Variants in SYNDIG1 observed in about 807,000 individuals in gnomAD.
SYNDIG1 encodes the protein synapse differentiation inducing 1, also known as synapse differentiation-inducing gene protein 1.
SYNDIG1 carries 9 observed loss-of-function variants against 19.4 expected under a neutral mutation model. That is an observed-to-expected ratio of 0.46 (90% CI 0.28 to 0.81). SYNDIG1 has a LOEUF of 0.81. Ranked by LOEUF, SYNDIG1 falls within the 30% of genes least tolerant of loss-of-function variation. SYNDIG1 has a pLI of 0.12. For missense variants in SYNDIG1, 311 were observed against 343.3 expected (o/e 0.91, Z 0.74); for synonymous variants, 141 against 145.9 (o/e 0.97, Z 0.24).
At chr20:24,570,417 T>A (rs2058123226) in intron 2 of SYNDIG1, among the ~76,000 whole-genome samples, 1 of 152,212 alleles carries the variant, frequency 6.6e-6, no homozygotes, top group African/African-American at 2.4e-5. Flanking sequence ...ACAATTTGTA[T>A]CCAGAATACA....
intron 3 of SYNDIG1, 62 bp downstream of exon 3, chr20:24,585,055 G>GC: frequency 5.8e-6 from 4 of 685,348 alleles, no homozygotes; most frequent in Non-Finnish European, 7.4e-6. Flanking sequence ...GGGTGGGGGC[G>GC]GCAATCCCAG....
intron 1 of SYNDIG1, among the ~76,000 whole-genome samples, chr20:24,539,569 G>A (rs912507669): frequency 6.6e-6 from 1 of 152,142 alleles, no homozygotes; most frequent in African/African-American, 2.4e-5. Flanking sequence ...TGAGCTCCTT[G>A]AGATTCCATA....
intron 1 of SYNDIG1, among the ~76,000 whole-genome samples, chr20:24,535,642 A>G (rs1021596369): frequency 3.5e-4 from 54 of 152,184 alleles, no homozygotes; most frequent in African/African-American, 1.2e-3. Flanking sequence ...AAGGGTGAAG[A>G]TTGCACAATT....
chr20:24,661,312 A>T, intron 3 of SYNDIG1, among the ~76,000 whole-genome samples: 1 of 114,122 alleles, frequency 8.8e-6, no homozygotes, highest in Admixed American at 8.5e-5. Flanking sequence ...GGAGGGAGGA[A>T]AGGGGAGGGA....
At chr20:24,508,919 A>G (rs76498508) in intron 1 of SYNDIG1, among the ~76,000 whole-genome samples, 4,094 of 152,298 alleles carry the variant, frequency 0.027, 179 homozygotes, top group African/African-American at 0.093. Context: ...AAGAAATAAA[A>G]ACCCAATTGC....
chr20:24,530,027 G>A, intron 1 of SYNDIG1, among the ~76,000 whole-genome samples: 1 of 66,662 alleles, frequency 1.5e-5, no homozygotes, highest in Non-Finnish European at 3.3e-5. Context: ...TGATGGTCGT[G>A]GTGATGGTGG....
rs564870775 is a variant in SYNDIG1, at chr20:24,629,372, T to C, written c.619-35974T>C. Among the ~76,000 whole-genome samples the C allele has an allele frequency of 3.3e-5, 5 of 152,328 alleles. No individual in the cohort carries two copies. In the South Asian group the frequency reaches 1.0e-3, roughly 32 times the overall value. The stretch of plus-strand genomic sequence containing the variant: ...GGAGGAAAGTCCTAGGTGGAAATTC[T>C]TGGGCAAGAGAATCAAAACTGACTG... On this transcript the variant is annotated intron_variant, in intron 3 of 3. Transcript: ENST00000376862.
chr20:24,491,243 G>T lies in SYNDIG1; in HGVS notation c.-79+21490G>T, dbSNP rs943573074. Among the ~76,000 whole-genome samples, 22 of 152,338 alleles carry T rather than the reference G, an allele frequency of 1.4e-4. 1 individual carries two copies. The highest frequency in any genetic ancestry group is 5.3e-4 in the African/African-American group (22 of 41,570). Reference sequence around the variant, plus strand: ...TGGGAATTCTTTGAAGGCACAAGTGGTGACTCGTGGAATACTTAATAAAAC... The same window carrying T: ...TGGGAATTCTTTGAAGGCACAAGTGTTGACTCGTGGAATACTTAATAAAAC... On this transcript the variant is annotated intron_variant, in intron 1 of 3. Transcript: ENST00000376862.
At chr20:24,524,538 C>G (rs915818960) in intron 1 of SYNDIG1, among the ~76,000 whole-genome samples, 2 of 151,684 alleles carry the variant, frequency 1.3e-5, no homozygotes, top group East Asian at 3.9e-4. Context: ...CCAGCTACCC[C>G]GGGAGGCTGA....
intron 1 of SYNDIG1, among the ~76,000 whole-genome samples, chr20:24,479,186 C>T (rs990135589): frequency 2.6e-5 from 4 of 152,138 alleles, no homozygotes; most frequent in African/African-American, 9.7e-5. Context: ...GGACCCAAAT[C>T]AGAGGGTCTC....
intron 1 of SYNDIG1, among the ~76,000 whole-genome samples, chr20:24,470,486 C>T (rs1246426601): frequency 6.7e-6 from 1 of 149,146 alleles, no homozygotes; most frequent in Non-Finnish European, 1.5e-5. Context: ...AGCCCTGGCG[C>T]CGAGATGGGA....
At chr20:24,633,550 A>G (rs1016529052) in intron 3 of SYNDIG1, among the ~76,000 whole-genome samples, 1 of 152,164 alleles carries the variant, frequency 6.6e-6, no homozygotes, top group African/African-American at 2.4e-5. Flanking sequence ...TTTTGATTCT[A>G]GTTGATCACC....
chr20:24,499,799 G>A (rs1568587192), intron 1 of SYNDIG1, among the ~76,000 whole-genome samples: 1 of 152,176 alleles, frequency 6.6e-6, no homozygotes, highest in Non-Finnish European at 1.5e-5. Flanking sequence ...CTCCCATCAT[G>A]TAAAAATTCT....
intron 3 of SYNDIG1, among the ~76,000 whole-genome samples, chr20:24,661,927 G>A (rs530424319): frequency 1.3e-5 from 2 of 152,258 alleles, no homozygotes; most frequent in African/African-American, 4.8e-5. Flanking sequence ...AATTGCTGGT[G>A]GGTTTCAGCA....
Position 24,610,457 on chromosome 20 carries a change from G to C in SYNDIG1, c.618+25464G>C, listed in dbSNP as rs181241118. On this transcript the variant is annotated intron_variant, in intron 3 of 3. Transcript: ENST00000376862. The stretch of plus-strand genomic sequence containing the variant: ...ATGCATGTAGCTCTGCACACGGGGG[G>C]GCGAGTGCTAATCAGCCAGAATGAA... 2.6e-5 allele frequency among the ~76,000 whole-genome samples: 4 copies of C among 152,306 alleles called. No individual in the cohort carries two copies. The East Asian group carries it at 5.8e-4, about 22-fold the overall frequency.
chr20:24,660,298 T>C (rs908415249), intron 3 of SYNDIG1, among the ~76,000 whole-genome samples: 3 of 152,258 alleles, frequency 2.0e-5, no homozygotes, highest in Admixed American at 6.5e-5. Flanking sequence ...TGTATCTATA[T>C]GTTCAGCTAT....
chr20:24,515,723 T>C (rs1238439224), intron 1 of SYNDIG1, among the ~76,000 whole-genome samples: 1 of 152,206 alleles, frequency 6.6e-6, no homozygotes, highest in Non-Finnish European at 1.5e-5. Flanking sequence ...TCCATGCTCA[T>C]GGATAGGAAG....
At position 24,588,640 on chromosome 20, in the gene SYNDIG1, C is replaced by T. The variant is rs555724487; in HGVS notation, c.618+3647C>T. 2.6e-5 allele frequency among the ~76,000 whole-genome samples: 4 copies of T among 152,110 alleles called. No homozygotes were observed. In the South Asian group the frequency reaches 6.2e-4, roughly 24 times the overall value. The stretch of plus-strand genomic sequence containing the variant: ...GCCGTGGTGACCTGTGCTGCAGTCT[C>T]GGCTGGGAATCTAATAAGAAGTGGG... On this transcript the variant is annotated intron_variant, in intron 3 of 3. Coordinates refer to ENST00000376862, the MANE Select transcript of SYNDIG1 (RefSeq NM_024893.3).
chr20:24,471,753 G>A (rs949740552), intron 1 of SYNDIG1, among the ~76,000 whole-genome samples: 4 of 152,054 alleles, frequency 2.6e-5, no homozygotes, highest in African/African-American at 9.7e-5. Flanking sequence ...AGTTACCTTT[G>A]GTAGAGTTTT....
Sources: allele counts gnomAD v4.1 joint callset (sites outside exome capture counted in the v4.1 genomes callset), GRCh38; gene constraint gnomAD v4.1.1; transcripts MANE v1.5; gene names NCBI Gene and HGNC (gene_info 2026-07-23, HGNC 2026-07-21).